The following SHC4 variants were observed in gnomAD, a reference collection of about 807,000 sequenced individuals.
SHC4 encodes the protein SHC adaptor protein 4.
A neutral mutation model predicts 69.4 loss-of-function variants in SHC4; 41 were observed. That is an observed-to-expected ratio of 0.59 (90% CI 0.46 to 0.77). The LOEUF (loss-of-function observed/expected upper bound fraction) is 0.77. Among genes scored for constraint, SHC4 ranks in the 30% least tolerant of loss-of-function variants. The pLI is 0.00. For synonymous variants in SHC4, 318 were observed against 299.3 expected (o/e 1.06, Z -0.64); for missense variants, 777 against 783.8 (o/e 0.99, Z 0.10).
chr15:48,956,733 T>A (rs776949013), intron 1 of SHC4, among the ~76,000 whole-genome samples: 5 of 152,194 alleles, frequency 3.3e-5, no homozygotes, highest in Non-Finnish European at 5.9e-5. Flanking sequence ...CAGCTCAGTG[T>A]TAGTAAGAGG....
At chr15:48,882,792 G>A (rs530805502) in intron 4 of SHC4, among the ~76,000 whole-genome samples, 1 of 152,330 alleles carries the variant, frequency 6.6e-6, no homozygotes, top group Admixed American at 6.5e-5. Context: ...TACCATCCAT[G>A]TGAATGAAAA....
intron 2 of SHC4, among the ~76,000 whole-genome samples, chr15:48,893,204 T>A (rs750110339): frequency 6.6e-6 from 1 of 152,030 alleles, no homozygotes; most frequent in Non-Finnish European, 1.5e-5. Context: ...AGGGAGGGGA[T>A]TGGAAATTCT....
At chr15:48,889,429 CTT>C (rs1408407968) in intron 3 of SHC4, among the ~76,000 whole-genome samples, 1 of 152,192 alleles carries the variant, frequency 6.6e-6, no homozygotes, top group African/African-American at 2.4e-5. Flanking sequence ...AATCTGAAGA[CTT>C]GGCTTCTACA....
At chr15:48,913,512 C>G (rs936494947) in intron 2 of SHC4, among the ~76,000 whole-genome samples, 5 of 152,032 alleles carry the variant, frequency 3.3e-5, no homozygotes, top group Non-Finnish European at 5.9e-5. Flanking sequence ...CCTGCCCCAG[C>G]TCCAGGCTAC....
At chr15:48,837,595 T>G (rs1233220908) in intron 10 of SHC4, among the ~76,000 whole-genome samples, 3 of 152,142 alleles carry the variant, frequency 2.0e-5, no homozygotes, top group Non-Finnish European at 4.4e-5. Flanking sequence ...ATTGCTGAAT[T>G]GATATAATCA....
intron 3 of SHC4, among the ~76,000 whole-genome samples, chr15:48,889,967 T>C (rs1177518036): frequency 6.6e-6 from 1 of 152,262 alleles, no homozygotes; most frequent in East Asian, 1.9e-4. Flanking sequence ...ACCAACAAAA[T>C]ATTCTAGGGC....
chr15:48,866,268 T>C (rs1429298050), intron 6 of SHC4, among the ~76,000 whole-genome samples: 1 of 152,076 alleles, frequency 6.6e-6, no homozygotes, highest in African/African-American at 2.4e-5. Flanking sequence ...CATTCACTGG[T>C]TCCTGTCTCT....
chr15:48,961,125 C>T (rs1901538863), intron 1 of SHC4, among the ~76,000 whole-genome samples: 1 of 152,182 alleles, frequency 6.6e-6, no homozygotes, highest in Non-Finnish European at 1.5e-5. Context: ...TTCTCATTGC[C>T]TCATACCTAA....
Position 48,962,680 on chromosome 15 carries a change from T to TGAG in SHC4, c.335_336insCTC (p.Lys112delinsAsnSer), listed in dbSNP as rs762018763. On this transcript the variant is annotated protein_altering_variant, in exon 1 of 12. Coordinates refer to ENST00000332408, the MANE Select transcript of SHC4 (RefSeq NM_203349.4). ...CCTGGAGCTTCAGCCGAGGCACCTCTTTGGTACCCAGGCAAAAGTTTTTCA... is the reference window on the plus strand; with the variant it reads ...CCTGGAGCTTCAGCCGAGGCACCTCTGAGTTGGTACCCAGGCAAAAGTTTTTCA... 80 of 1,614,056 alleles carry TGAG rather than the reference T, an allele frequency of 5.0e-5. No homozygotes were observed. Among genetic ancestry groups the TGAG allele is most frequent in the Non-Finnish European group, 6.2e-5 (73 of 1,180,038 alleles).
At chr15:48,914,372 C>G (rs1404707983) in intron 2 of SHC4, among the ~76,000 whole-genome samples, 1 of 152,224 alleles carries the variant, frequency 6.6e-6, no homozygotes, top group Non-Finnish European at 1.5e-5. Flanking sequence ...CCTCTCTGAG[C>G]CTCAACTTTC....
Position 48,856,159 on chromosome 15 carries a change from C to A in SHC4, c.1071-35G>T, listed in dbSNP as rs16961733. 0.14 allele frequency: 223,312 copies of A among 1,585,240 alleles called. 19,013 individuals are homozygous for A. The highest frequency in any genetic ancestry group is 0.34 in the Admixed American group (19,196 of 56,468). The stretch of plus-strand genomic sequence containing the variant: ...AAAAAAGAATCCTCAAGAGGCTGGG[C>A]GAAAATTCAAATACTGTAAGGGATG... On this transcript the variant is annotated intron_variant, in intron 7 of 11. Coordinates refer to ENST00000332408, the MANE Select transcript of SHC4 (RefSeq NM_203349.4).
chr15:48,890,330 A>G (rs1900112716), intron 3 of SHC4, among the ~76,000 whole-genome samples: 1 of 152,218 alleles, frequency 6.6e-6, no homozygotes. Flanking sequence ...GGAAGCCTAA[A>G]AAGTCTAAAA....
In SHC4 at chr15:48,933,109, G is replaced by C. The variant is rs547624408; in HGVS notation, c.586-8160C>G. On this transcript the variant is annotated intron_variant, in intron 1 of 11. Coordinates refer to ENST00000332408, the MANE Select transcript of SHC4 (RefSeq NM_203349.4). ...AGCAAAGTAAACTAGATATAAGAAA[G>C]TAGCTAGATTAGGACAAACTTGGAA... is the stretch of plus-strand genomic sequence containing the variant. Among the ~76,000 whole-genome samples the C allele has an allele frequency of 2.0e-4, 30 of 152,224 alleles. 1 individual carries two copies. The East Asian group carries it at 5.6e-3, about 28-fold the overall frequency.
At chr15:48,858,644 T>C (rs1390174305) in intron 6 of SHC4, among the ~76,000 whole-genome samples, 1 of 152,190 alleles carries the variant, frequency 6.6e-6, no homozygotes. Flanking sequence ...CCCTACCATA[T>C]GTAACATCAT....
At chr15:48,917,485 G>A (rs139835066) in intron 2 of SHC4, among the ~76,000 whole-genome samples, 10 of 151,936 alleles carry the variant, frequency 6.6e-5, no homozygotes, top group Non-Finnish European at 1.2e-4. Flanking sequence ...AGACAACTGC[G>A]GCTAGGAAAC....
At chr15:48,906,701 GC>G (rs1484859335) in intron 2 of SHC4, among the ~76,000 whole-genome samples, 1 of 152,180 alleles carries the variant, frequency 6.6e-6, no homozygotes, top group African/African-American at 2.4e-5. Flanking sequence ...AGAAGACCTG[GC>G]CCCTGTCCTT....
At position 48,952,528 on chromosome 15, in the gene SHC4, T is replaced by C. The variant is rs376241547; in HGVS notation, c.585+9903A>G. On this transcript the variant is annotated intron_variant, in intron 1 of 11. Transcript: ENST00000332408. The stretch of plus-strand genomic sequence containing the variant: ...AGAATGGGAGAAAAGTTTTGCAAAC[T>C]ATGCACCCAACAAAGGTCTAGTACT... Among the ~76,000 whole-genome samples, 8 of 152,158 alleles carry C rather than the reference T, an allele frequency of 5.3e-5. No homozygotes were observed. In the East Asian group the frequency reaches 7.7e-4, roughly 15 times the overall value.
At chr15:48,883,113 A>T (rs1899973483) in intron 4 of SHC4, among the ~76,000 whole-genome samples, 1 of 152,162 alleles carries the variant, frequency 6.6e-6, no homozygotes, top group African/African-American at 2.4e-5. Context: ...GTTACTGATA[A>T]TTTTATAATC....
Position 48,963,106 on chromosome 15 carries a change from C to T in SHC4, c.-91G>A. ...TGCAGACATCAGATACCTCAACGCC[C>T]GATGCAACTCACAGCAGCCACCTCT... On this transcript the variant is annotated 5_prime_UTR_variant, in exon 1 of 12. Coordinates refer to ENST00000332408, the MANE Select transcript of SHC4 (RefSeq NM_203349.4). 1 of 1,329,158 alleles carries T rather than the reference C, an allele frequency of 7.5e-7. No homozygotes were observed. The highest frequency in any genetic ancestry group is 1.0e-6 in the Non-Finnish European group (1 of 972,932). 82.3% of individuals were successfully genotyped at this position (1,329,158 alleles called of 1,614,324 possible). A position where few individuals can be genotyped will look rare whatever the true frequency, so the allele number is the denominator to read the frequency against.
Sources: gnomAD v4.1 joint callset for allele counts (sites outside exome capture counted in the v4.1 genomes callset) on GRCh38, gnomAD v4.1.1 for gene constraint, MANE v1.5 for transcripts, NCBI Gene and HGNC (gene_info 2026-07-23, HGNC 2026-07-21) for gene names.